CADPS2: variants seen among roughly 807,000 people sequenced by gnomAD.
The protein encoded by CADPS2 is calcium dependent secretion activator 2.
CADPS2 carries 93 observed loss-of-function variants against 172.5 expected under a neutral mutation model. That is an observed-to-expected ratio of 0.54 (90% CI 0.46 to 0.64). The LOEUF (loss-of-function observed/expected upper bound fraction) is 0.64. CADPS2 is among the 30% of genes least tolerant of loss of function. The pLI is 0.00. For synonymous variants in CADPS2, 546 were observed against 555.2 expected, an observed-to-expected ratio of 0.98 and a Z score of 0.23; for missense variants, 1,420 against 1,565.9, an observed-to-expected ratio of 0.91 and a Z score of 1.57.
At chr7:122,836,948 G>T (rs2190255) in intron 1 of CADPS2, among the ~76,000 whole-genome samples, 66,637 of 151,708 alleles carry the variant, frequency 0.44, 17,082 homozygotes, top group African/African-American at 0.72. Context: ...TCTACAGAAC[G>T]CTCCACCCCA....
chr7:122,525,950 A>G (rs1051338116), intron 8 of CADPS2, among the ~76,000 whole-genome samples: 1 of 152,114 alleles, frequency 6.6e-6, no homozygotes, highest in Non-Finnish European at 1.5e-5. Flanking sequence ...ATCTTATGGG[A>G]TCACTGTCAT....
At chr7:122,630,614 T>C (rs1199426015) in intron 3 of CADPS2, among the ~76,000 whole-genome samples, 1 of 152,132 alleles carries the variant, frequency 6.6e-6, no homozygotes, top group Non-Finnish European at 1.5e-5. Flanking sequence ...GTTTAAAGTG[T>C]AGGAGTGATA....
At chr7:122,409,168 A>G (rs1218722958) in intron 19 of CADPS2, among the ~76,000 whole-genome samples, 1 of 152,222 alleles carries the variant, frequency 6.6e-6, no homozygotes, top group Non-Finnish European at 1.5e-5. Flanking sequence ...AAAAAAGTAT[A>G]CATGATTTCA....
intron 1 of CADPS2, among the ~76,000 whole-genome samples, chr7:122,830,782 A>C (rs1441668891): frequency 6.6e-6 from 1 of 152,204 alleles, no homozygotes; most frequent in Admixed American, 6.5e-5. Context: ...TATCTCTTTT[A>C]GCTATTAAAC....
At chr7:122,687,916 C>G (rs1394989220) in intron 2 of CADPS2, among the ~76,000 whole-genome samples, 2 of 152,138 alleles carry the variant, frequency 1.3e-5, no homozygotes, top group Admixed American at 6.5e-5. Context: ...TAATTTTTTA[C>G]ATTTATCTCA....
intron 2 of CADPS2, among the ~76,000 whole-genome samples, chr7:122,732,810 ACATAATG>A (rs1416977649): frequency 1.4e-5 from 2 of 141,716 alleles, no homozygotes; most frequent in Admixed American, 7.3e-5. Context: ...TATATTATAT[ACATAATG>A]TATATTATAT....
chr7:122,754,650 T>C (rs760541534), intron 1 of CADPS2, among the ~76,000 whole-genome samples: 2 of 152,134 alleles, frequency 1.3e-5, no homozygotes, highest in Non-Finnish European at 2.9e-5. Flanking sequence ...CGAATTTTTG[T>C]ATTTTTAGTA....
chr7:122,445,339 C>G (rs1362755596), intron 15 of CADPS2, among the ~76,000 whole-genome samples: 1 of 151,830 alleles, frequency 6.6e-6, no homozygotes, highest in East Asian at 1.9e-4. Context: ...AGTACAGTAT[C>G]TCTCCTTCTA....
At chr7:122,595,411 T>G (rs71574706) in intron 6 of CADPS2, among the ~76,000 whole-genome samples, 17,200 of 152,070 alleles carry the variant, frequency 0.11, 1,271 homozygotes, top group African/African-American at 0.2. Flanking sequence ...GGGCCAGTCA[T>G]TTGGGGTTAT....
intron 8 of CADPS2, among the ~76,000 whole-genome samples, chr7:122,519,935 A>T (rs1160041203): frequency 1.3e-5 from 2 of 152,034 alleles, no homozygotes; most frequent in African/African-American, 4.8e-5. Context: ...AGTATATTTT[A>T]AAAATCTTCT....
At chr7:122,607,851 T>C (rs1403163197) in intron 6 of CADPS2, among the ~76,000 whole-genome samples, 2 of 152,308 alleles carry the variant, frequency 1.3e-5, no homozygotes, top group East Asian at 1.9e-4. Context: ...CAATCTGTCA[T>C]GATTTTGAAG....
intron 14 of CADPS2, among the ~76,000 whole-genome samples, chr7:122,470,684 T>C (rs1417346108): frequency 1.3e-5 from 2 of 151,942 alleles, no homozygotes; most frequent in Non-Finnish European, 2.9e-5. Flanking sequence ...TTAATAGAGA[T>C]GAGGTTTCAC....
At position 122,415,970 on chromosome 7, in the gene CADPS2, A is replaced by G. The variant is rs1421391268; in HGVS notation, c.2580+91T>C. On this transcript the variant is annotated intron_variant, in intron 18 of 29. Transcript: ENST00000449022. Reference sequence around the variant, plus strand: ...TTCGTTAAATGTTCAGATATGTATCAAGACTATGGGCAGGCCACTTATTCA... The same window carrying G: ...TTCGTTAAATGTTCAGATATGTATCGAGACTATGGGCAGGCCACTTATTCA... The G allele has an allele frequency of 4.4e-6, 3 of 678,020 alleles. No individual in the cohort carries two copies. The African/African-American group carries it at 5.3e-5, about 12-fold the overall frequency. The allele number at this position is 678,020 out of a possible 1,614,324, so 42.0% of individuals were successfully genotyped here.
intron 2 of CADPS2, among the ~76,000 whole-genome samples, chr7:122,708,833 T>C (rs1036292275): frequency 2.6e-5 from 4 of 151,864 alleles, no homozygotes; most frequent in African/African-American, 7.3e-5. Flanking sequence ...ATTACTACTC[T>C]GGGAAGTAAC....
chr7:122,459,075 G>T (rs1165564934), intron 14 of CADPS2, among the ~76,000 whole-genome samples: 2 of 151,716 alleles, frequency 1.3e-5, no homozygotes, highest in Non-Finnish European at 2.9e-5. Flanking sequence ...AGAAATAACT[G>T]AAATACTAGT....
At chr7:122,512,787 G>C (rs2060095243) in intron 9 of CADPS2, among the ~76,000 whole-genome samples, 1 of 152,048 alleles carries the variant, frequency 6.6e-6, no homozygotes, top group Non-Finnish European at 1.5e-5. Flanking sequence ...TGGTTCTCAA[G>C]GTATAGTCTT....
intron 1 of CADPS2, among the ~76,000 whole-genome samples, chr7:122,760,759 C>A (rs1285607822): frequency 7.6e-6 from 1 of 132,054 alleles, no homozygotes; most frequent in East Asian, 2.2e-4. Context: ...GGGAATTGAA[C>A]AATGAGAATG....
At chr7:122,459,699 A>G (rs1209485660) in intron 14 of CADPS2, among the ~76,000 whole-genome samples, 10 of 152,234 alleles carry the variant, frequency 6.6e-5, no homozygotes, top group Admixed American at 6.5e-4. Flanking sequence ...ATTTAATTTT[A>G]AACTTACTTA....
intron 17 of CADPS2, among the ~76,000 whole-genome samples, chr7:122,422,972 A>G (rs1317983631): frequency 6.6e-6 from 1 of 152,060 alleles, no homozygotes; most frequent in Non-Finnish European, 1.5e-5. Flanking sequence ...ATAAATAAAT[A>G]AAAATAAAAA....
Sources: gnomAD v4.1 joint callset for allele counts (sites outside exome capture counted in the v4.1 genomes callset) on GRCh38, gnomAD v4.1.1 for gene constraint, MANE v1.5 for transcripts, NCBI Gene and HGNC (gene_info 2026-07-23, HGNC 2026-07-21) for gene names.